The following FNDC3B variants were observed in gnomAD, a reference collection of about 807,000 sequenced individuals.
FNDC3B encodes fibronectin type III domain-containing protein 3B.
A neutral mutation model predicts 151.5 loss-of-function variants in FNDC3B; 12 were observed. That is an observed-to-expected ratio of 0.08 (90% CI 0.05 to 0.13). FNDC3B has a LOEUF of 0.13. Ranked by LOEUF, FNDC3B falls within the 10% of genes least tolerant of loss-of-function variation. The probability of loss-of-function intolerance (pLI) is 1.00; values close to 1 mark genes in which losing one functional copy is unlikely to be tolerated. For synonymous variants in FNDC3B, 528 were observed against 549.0 expected (o/e 0.96, Z 0.54); for missense variants, 1,214 against 1,505.3 (o/e 0.81, Z 3.20).
intron 4 of FNDC3B, among the ~76,000 whole-genome samples, chr3:172,240,073 G>A (rs7611338): frequency 0.12 from 18,292 of 151,672 alleles, 1,354 homozygotes; most frequent in East Asian, 0.31. Flanking sequence ...GGGTTTCACC[G>A]TGTTAGCCAG....
chr3:172,339,879 T>C (rs1366164943), intron 16 of FNDC3B, among the ~76,000 whole-genome samples: 1 of 152,254 alleles, frequency 6.6e-6, no homozygotes, highest in Non-Finnish European at 1.5e-5. Context: ...GCCTTTGCTA[T>C]TGCCTTTCTT....
chr3:172,187,397 G>A (rs915744359), intron 3 of FNDC3B: 1 of 152,202 alleles, frequency 6.6e-6, no homozygotes, highest in African/African-American at 2.4e-5. Context: ...CAGTAGGGGT[G>A]TCGTGAGTCC....
intron 1 of FNDC3B, among the ~76,000 whole-genome samples, chr3:172,065,721 A>G (rs1005333082): frequency 6.6e-6 from 1 of 152,248 alleles, no homozygotes; most frequent in Non-Finnish European, 1.5e-5. Context: ...TGCCTGGAGT[A>G]GCTCCAGATG....
intron 5 of FNDC3B, 126 bp downstream of exon 5, chr3:172,247,902 T>G (rs1460675336): frequency 7.9e-6 from 8 of 1,019,010 alleles, no homozygotes; most frequent in Non-Finnish European, 1.0e-5. Context: ...TTTGTAAGAC[T>G]CATGGGGAAT....
At chr3:172,174,933 ACC>A (rs1269639185) in intron 3 of FNDC3B, among the ~76,000 whole-genome samples, 763 of 18,350 alleles carry the variant, frequency 0.042, 31 homozygotes, top group African/African-American at 0.12. Context: ...TCCCCCCGCC[ACC>A]CCCCCCCCCC....
In FNDC3B at chr3:172,335,073, G is replaced by A. The variant is rs772685937; in HGVS notation, c.1771G>A (p.Val591Ile). The change falls in exon 15 of 26, where the codon GTC becomes ATC. Residue 591 changes from valine (V) to isoleucine (I), a missense_variant. Physicochemically the swap from Val to Ile is conservative, Grantham distance 29 (BLOSUM62 3). Coordinates refer to ENST00000415807, the MANE Select transcript of FNDC3B (RefSeq NM_022763.4). ...KGPVTSHGFS[V>I]KWDPPKDNGG... ...CCCAGTTACATCTCATGGCTTTAGT[G>A]TCAAATGGGGTATGTTTTGCTGCTG... 6.3e-7 allele frequency: 1 copy of A among 1,593,812 alleles called. No individual in the cohort carries two copies. Among genetic ancestry groups the A allele is most frequent in the South Asian group, 1.1e-5 (1 of 87,524 alleles).
intron 6 of FNDC3B, among the ~76,000 whole-genome samples, chr3:172,260,621 T>A (rs575110236): frequency 6.6e-6 from 1 of 152,172 alleles, no homozygotes; most frequent in Non-Finnish European, 1.5e-5. Flanking sequence ...AGCATGCCCA[T>A]CAGAATGCTG....
chr3:172,193,359 T>A, intron 3 of FNDC3B, among the ~76,000 whole-genome samples: 1 of 108,218 alleles, frequency 9.2e-6, no homozygotes. Flanking sequence ...CTCTAACTGC[T>A]TTCTCTATAA....
intron 6 of FNDC3B, among the ~76,000 whole-genome samples, chr3:172,269,280 T>C (rs1162910864): frequency 2.6e-5 from 4 of 152,118 alleles, no homozygotes; most frequent in Non-Finnish European, 4.4e-5. Flanking sequence ...TTCTTTCCTT[T>C]CCTAGGCTCT....
chr3:172,121,938 C>T (rs1013335959), intron 2 of FNDC3B, among the ~76,000 whole-genome samples: 4 of 152,120 alleles, frequency 2.6e-5, no homozygotes, highest in African/African-American at 7.2e-5. Context: ...CTGATTTCTC[C>T]TTTTCTTGTT....
intron 1 of FNDC3B, among the ~76,000 whole-genome samples, chr3:172,072,835 AG>A (rs1289853839): frequency 9.2e-5 from 14 of 152,248 alleles, no homozygotes; most frequent in Non-Finnish European, 1.8e-4. Flanking sequence ...TAATGAAGCT[AG>A]ATTTCATTTC....
chr3:172,163,429 AC>A (rs1481254563), intron 3 of FNDC3B, among the ~76,000 whole-genome samples: 1 of 152,022 alleles, frequency 6.6e-6, no homozygotes, highest in Non-Finnish European at 1.5e-5. Context: ...AAATTAAATC[AC>A]TTTTTGATGA....
intron 23 of FNDC3B, among the ~76,000 whole-genome samples, chr3:172,369,858 C>T (rs911683738): frequency 7.9e-5 from 12 of 152,028 alleles, no homozygotes; most frequent in African/African-American, 2.2e-4. Context: ...TTTTGAGCAC[C>T]GTTCGTTCCC....
intron 3 of FNDC3B, among the ~76,000 whole-genome samples, chr3:172,134,604 G>C (rs1451529303): frequency 6.6e-6 from 1 of 151,860 alleles, no homozygotes; most frequent in Non-Finnish European, 1.5e-5. Context: ...TTGCGTAATA[G>C]TAGAGCATGT....
chr3:172,142,262 A>G (rs1721663070), intron 3 of FNDC3B, among the ~76,000 whole-genome samples: 1 of 152,222 alleles, frequency 6.6e-6, no homozygotes, highest in South Asian at 2.1e-4. Context: ...GCATTTCAGA[A>G]AGCCTATGCG....
rs1211192333 is a variant in FNDC3B, at chr3:172,401,569, C to G, written c.*4094C>G. The G allele has an allele frequency of 6.6e-6, 1 of 152,300 alleles. No homozygotes were observed. The highest frequency in any genetic ancestry group is 1.5e-5 in the Non-Finnish European group (1 of 68,114). The allele number at this position is 152,300 out of a possible 1,614,324, so 9.4% of individuals were successfully genotyped here. The stretch of plus-strand genomic sequence containing the variant: ...TCACCTGGCACACTGGGTGCTTCCT[C>G]TCCCCTGACGAACTCTATAGAGTGT... On this transcript the variant is annotated 3_prime_UTR_variant, in exon 26 of 26. Coordinates refer to ENST00000415807, the MANE Select transcript of FNDC3B (RefSeq NM_022763.4).
chr3:172,291,443 A>G (rs530005015), intron 7 of FNDC3B, among the ~76,000 whole-genome samples: 3 of 152,252 alleles, frequency 2.0e-5, no homozygotes, highest in Admixed American at 6.5e-5. Flanking sequence ...ATTGGAATCT[A>G]CATTTAATAA....
At chr3:172,073,581 G>A (rs79590585) in intron 1 of FNDC3B, among the ~76,000 whole-genome samples, 1,678 of 152,244 alleles carry the variant, frequency 0.011, 20 homozygotes, top group Non-Finnish European at 0.017. Context: ...GACAATTATG[G>A]TTTATTTGTG....
At chr3:172,218,024 A>G (rs1401578395) in intron 3 of FNDC3B, among the ~76,000 whole-genome samples, 1 of 150,778 alleles carries the variant, frequency 6.6e-6, no homozygotes, top group Non-Finnish European at 1.5e-5. Flanking sequence ...TTAGTCATTG[A>G]GCAATTTGTT....
Sources: allele counts gnomAD v4.1 joint callset (sites outside exome capture counted in the v4.1 genomes callset), GRCh38; gene constraint gnomAD v4.1.1; transcripts MANE v1.5; gene names NCBI Gene and HGNC (gene_info 2026-07-23, HGNC 2026-07-21).